The following CCNH variants were observed in gnomAD, a reference collection of about 807,000 sequenced individuals.
CCNH encodes the protein cyclin-H.
A neutral mutation model predicts 41.9 loss-of-function variants in CCNH; 31 were observed. That is an observed-to-expected ratio of 0.74 (90% CI 0.56 to 1.00). CCNH has a LOEUF of 1.00. CCNH is among the 50% of genes least tolerant of loss of function. The pLI is 0.00. For missense variants in CCNH, 362 were observed against 388.4 expected, an observed-to-expected ratio of 0.93 and a Z score of 0.57; for synonymous variants, 138 against 136.1, an observed-to-expected ratio of 1.01 and a Z score of -0.10.
intron 9 of CCNH, among the ~76,000 whole-genome samples, chr5:87,338,536 A>ATATATATTTTTTTTTTTTTTTT: frequency 2.3e-5 from 2 of 85,214 alleles, no homozygotes; most frequent in African/African-American, 8.9e-5. Context: ...TATATATAAA[A>ATATATATTTTTTTTTTTTTTTT]TTTTTTTTTT....
intron 9 of CCNH, among the ~76,000 whole-genome samples, chr5:87,366,184 T>C (rs960489891): frequency 1.3e-5 from 2 of 152,176 alleles, no homozygotes; most frequent in African/African-American, 4.8e-5. Context: ...AGTTTATGGA[T>C]TTAAGGCAGA....
chr5:87,362,478 G>T (rs2112455897), intron 9 of CCNH: 3 of 1,454,648 alleles, frequency 2.1e-6, no homozygotes, highest in Non-Finnish European at 2.9e-6. Context: ...GCTTTTAATT[G>T]GTACTTTTAT....
In CCNH at chr5:87,327,521, T is replaced by C. The variant is rs144049767; in HGVS notation, c.*91-8624A>G. 4.4e-3 allele frequency among the ~76,000 whole-genome samples: 673 copies of C among 152,318 alleles called. 6 individuals are homozygous for C. The highest frequency in any genetic ancestry group is 8.3e-3 in the East Asian group (43 of 5,194). On this transcript the variant is annotated intron_variant and NMD_transcript_variant, in intron 9 of 9. Transcript: ENST00000645953. Reference sequence around the variant, plus strand: ...AGATTTGGTATGTTTAGGGTGGCATTGCCATAGATTGGAGGTTTCTTGGGT... The same window carrying C: ...AGATTTGGTATGTTTAGGGTGGCATCGCCATAGATTGGAGGTTTCTTGGGT...
chr5:87,399,505 C>G lies in CCNH; in HGVS notation c.761G>C (p.Ser254Thr), dbSNP rs371630075. Residue 254 changes from serine to threonine, a missense_variant and splice_region_variant, in exon 7 of 9, where the codon AGC (serine) becomes ACC (threonine). Ser to Thr is a moderately conservative substitution (Grantham distance 58, BLOSUM62 1). Coordinates refer to ENST00000256897, the MANE Select transcript of CCNH (RefSeq NM_001239.4). ...ATACTTCTTTACTAAGTTTCTCATGCCTATGTGGATACAAAAAAAGAATTT... is the reference window on the plus strand; with the variant it reads ...ATACTTCTTTACTAAGTTTCTCATGGCTATGTGGATACAAAAAAAGAATTT... ...CLSQLLDIMK[S>T]MRNLVKKYEP... 1.5e-5 allele frequency: 24 copies of G among 1,594,242 alleles called. No individual in the cohort carries two copies. The African/African-American group carries it at 2.9e-4, about 20-fold the overall frequency.
At chr5:87,403,392 A>C (rs1391535277) in intron 5 of CCNH, among the ~76,000 whole-genome samples, 1 of 152,240 alleles carries the variant, frequency 6.6e-6, no homozygotes, top group African/African-American at 2.4e-5. Context: ...TTCACTGAAG[A>C]ATTTATAGAT....
chr5:87,316,040 A>G (rs192207943), downstream of CCNH, among the ~76,000 whole-genome samples: 90 of 152,360 alleles, frequency 5.9e-4, no homozygotes, highest in African/African-American at 2.1e-3. Context: ...TGTATACCAA[A>G]TAATACATTT....
upstream of CCNH, chr5:87,379,803 T>G: frequency 6.2e-7 from 1 of 1,612,936 alleles, no homozygotes; most frequent in Non-Finnish European, 8.5e-7. Flanking sequence ...TGAACATACT[T>G]TCAGAGCTTG....
At chr5:87,360,383 TA>T (rs1291401935) in intron 9 of CCNH, among the ~76,000 whole-genome samples, 1 of 152,168 alleles carries the variant, frequency 6.6e-6, no homozygotes, top group Non-Finnish European at 1.5e-5. Context: ...CTCGGCCTCC[TA>T]AAGTACTGGG....
chr5:87,397,225 T>C (rs1372999202), intron 7 of CCNH, among the ~76,000 whole-genome samples: 1 of 151,784 alleles, frequency 6.6e-6, no homozygotes, highest in East Asian at 1.9e-4. Flanking sequence ...TGCAATGGCG[T>C]GATCTTGGCT....
intron 9 of CCNH, chr5:87,353,064 T>TC: frequency 1.0e-6 from 1 of 959,222 alleles, no homozygotes. Context: ...AATTTGCTAA[T>TC]TAGATAATCC....
chr5:87,363,277 C>G (rs1008219753), intron 9 of CCNH: 27 of 1,324,652 alleles, frequency 2.0e-5, no homozygotes, highest in Non-Finnish European at 2.8e-5. Context: ...TTTTTAGAAA[C>G]ACTAATTTTA....
downstream of CCNH, among the ~76,000 whole-genome samples, chr5:87,316,131 T>G (rs1756317057): frequency 6.6e-6 from 1 of 152,204 alleles, no homozygotes; most frequent in Non-Finnish European, 1.5e-5. Flanking sequence ...CCAGATCTGT[T>G]TGTTTGAAAA....
At chr5:87,311,781 G>C in the CCNH span, among the ~76,000 whole-genome samples, 2 of 152,182 alleles carry the variant, frequency 1.3e-5, no homozygotes, top group African/African-American at 4.8e-5. Context: ...GACTCCAGAG[G>C]TCAGACTGAT....
downstream of CCNH, chr5:87,390,806 T>C (rs3747704): frequency 1.3e-4 from 217 of 1,611,650 alleles, 2 homozygotes; most frequent in East Asian, 3.8e-3. Flanking sequence ...CTAGCACGTA[T>C]TGAAAAAGCT....
intron 9 of CCNH, among the ~76,000 whole-genome samples, chr5:87,384,288 A>C (rs1163464014): frequency 6.6e-6 from 1 of 152,072 alleles, no homozygotes; most frequent in Non-Finnish European, 1.5e-5. Flanking sequence ...ACTTCAGTAA[A>C]CCTGATCCAG....
intron 4 of CCNH, among the ~76,000 whole-genome samples, chr5:87,405,947 T>A (rs996476010): frequency 6.6e-6 from 1 of 152,138 alleles, no homozygotes; most frequent in African/African-American, 2.4e-5. Flanking sequence ...TATAAACTCA[T>A]GTTCATTGAC....
intron 9 of CCNH, chr5:87,385,290 TTC>T: frequency 6.3e-7 from 1 of 1,581,182 alleles, no homozygotes; most frequent in Non-Finnish European, 8.7e-7. Flanking sequence ...CTGTGCCCAA[TTC>T]TGTTACAGAT....
chr5:87,344,159 T>G (rs78224048), intron 9 of CCNH, among the ~76,000 whole-genome samples: 3,285 of 152,192 alleles, frequency 0.022, 116 homozygotes, highest in African/African-American at 0.073. Context: ...TTACTGGATA[T>G]TTAAAAATAA....
downstream of CCNH, chr5:87,374,367 T>C: frequency 6.5e-7 from 1 of 1,545,838 alleles, no homozygotes; most frequent in Non-Finnish European, 8.8e-7. Flanking sequence ...TTTACCATAT[T>C]GCATTTCTTT....
Sources: gnomAD v4.1 joint callset for allele counts (sites outside exome capture counted in the v4.1 genomes callset) on GRCh38, gnomAD v4.1.1 for gene constraint, MANE v1.5 for transcripts, NCBI Gene and HGNC (gene_info 2026-07-23, HGNC 2026-07-21) for gene names.